RAC2: variants seen among roughly 807,000 people sequenced by gnomAD.
RAC2 encodes the protein Rac family small GTPase 2.
RAC2 carries 1 observed loss-of-function variant against 24.0 expected under a neutral mutation model. The observed-to-expected ratio is 0.04, with a 90% confidence interval of 0.01 to 0.20. The LOEUF (loss-of-function observed/expected upper bound fraction) is 0.20, where lower values mean the gene tolerates loss of function less well. Among genes scored for constraint, RAC2 ranks in the 10% least tolerant of loss-of-function variants. The pLI is 1.00. For synonymous variants in RAC2, 114 were observed against 106.8 expected (o/e 1.07, Z -0.41); for missense variants, 130 against 259.1 (o/e 0.50, Z 3.42).
At chr22:37,229,425 C>A (rs58341088) in intron 5 of RAC2, among the ~76,000 whole-genome samples, 1 of 152,310 alleles carries the variant, frequency 6.6e-6, no homozygotes, top group African/African-American at 2.4e-5. Context: ...TCCCCCCGAG[C>A]CTGTTTCCTC....
At chr22:37,226,530 T>C (rs1926840432) in intron 6 of RAC2, 141 bp downstream of exon 6, 10 of 1,102,076 alleles carry the variant, frequency 9.1e-6, no homozygotes, top group Non-Finnish European at 1.3e-5. Flanking sequence ...AGATGACAAG[T>C]AGGCTGCGGA....
Position 37,231,087 on chromosome 22 carries a change from C to A in RAC2, c.448+144G>T, listed in dbSNP as rs1316844492. On this transcript the variant is annotated intron_variant, in intron 5 of 6. Transcript: ENST00000249071. This position sits in a 1 kb window ranked among gnomAD's most constrained non-coding sequence, Gnocchi z 5.5. Reference sequence around the variant, plus strand: ...AGGCAGAGAGAGGCTACGTGACTCGCCCAAGGTCACACAGCAAGTGCACAG... The same window carrying A: ...AGGCAGAGAGAGGCTACGTGACTCGACCAAGGTCACACAGCAAGTGCACAG... 5.0e-6 allele frequency: 5 copies of A among 1,004,098 alleles called. No individual in the cohort carries two copies. The Admixed American group carries it at 9.8e-5, about 20-fold the overall frequency. The allele number at this position is 1,004,098 out of a possible 1,614,324, so 62.2% of individuals were successfully genotyped here. A position where few individuals can be genotyped will look rare whatever the true frequency, so the allele number is the denominator to read the frequency against.
chr22:37,231,503 CAGA>C lies in RAC2; in HGVS notation c.289-116_289-114del, dbSNP rs754268600. On this transcript the variant is annotated intron_variant, in intron 4 of 6. Transcript: ENST00000249071. This position sits in a 1 kb window ranked among gnomAD's most constrained non-coding sequence, Gnocchi z 5.5. Reference sequence around the variant, plus strand: ...AGGGAGAGGAGAGGCAGCAAGTTGCCAGAAGATCAGAGGTGGGCACGACGGTGA... The same window carrying C: ...AGGGAGAGGAGAGGCAGCAAGTTGCCAGATCAGAGGTGGGCACGACGGTGA... The C allele has an allele frequency of 4.9e-6, 5 of 1,021,008 alleles. No homozygotes were observed. Among genetic ancestry groups the C allele is most frequent in the Non-Finnish European group, 7.4e-6 (5 of 676,528 alleles). 63.2% of individuals were successfully genotyped at this position (1,021,008 alleles called of 1,614,324 possible).
intron 2 of RAC2, among the ~76,000 whole-genome samples, chr22:37,238,567 G>A (rs1489976216): frequency 6.6e-6 from 1 of 152,174 alleles, no homozygotes; most frequent in East Asian, 1.9e-4. Context: ...AGCTCACCAG[G>A]GCTTCCGTCG....
chr22:37,242,462 C>A (rs1019290484), intron 1 of RAC2, among the ~76,000 whole-genome samples: 4 of 152,190 alleles, frequency 2.6e-5, no homozygotes, highest in African/African-American at 9.7e-5. Context: ...GCCTCCTCCA[C>A]CCTCAGCATG....
At chr22:37,232,419 A>C in intron 3 of RAC2, 2 of 418,072 alleles carry the variant, frequency 4.8e-6, no homozygotes, top group Non-Finnish European at 4.5e-6. Context: ...CCCTGGAGGA[A>C]GGGCGAGGAC....
chr22:37,240,482 G>A (rs1052198145), intron 2 of RAC2, among the ~76,000 whole-genome samples: 3 of 152,238 alleles, frequency 2.0e-5, no homozygotes, highest in African/African-American at 7.2e-5. Flanking sequence ...ATCTTGCGCA[G>A]GGGCCAGCAT....
intron 2 of RAC2, chr22:37,241,038 G>A (rs1242466431): frequency 1.4e-6 from 1 of 718,946 alleles, no homozygotes; most frequent in Middle Eastern, 2.3e-4. Context: ...ACCCCTGAGG[G>A]CTGGCCAGGG....
Position 37,231,444 on chromosome 22 carries a change from G to A in RAC2, c.289-54C>T. 6.4e-7 allele frequency: 1 copy of A among 1,552,152 alleles called. No individual in the cohort carries two copies. ...TTGTATGGGTCAAGAGGGGGCGCGA[G>A]GCTGTGCGGGGATCAGAGGGAGTGT... On this transcript the variant is annotated intron_variant, in intron 4 of 6. Transcript: ENST00000249071. This position sits in a 1 kb window ranked among gnomAD's most constrained non-coding sequence, Gnocchi z 5.5.
chr22:37,226,850 G>T (rs115077809), intron 5 of RAC2, 47 bp from the exon 6 acceptor site: 79 of 1,600,070 alleles, frequency 4.9e-5, no homozygotes, highest in Admixed American at 3.3e-4. Flanking sequence ...GTGGCGGGGG[G>T]GGTTCTGGGC....
At position 37,243,622 on chromosome 22, in the gene RAC2, A is replaced by G. The variant is rs117094326; in HGVS notation, c.35+492T>C. ...CTCAGCTTATCTCAAGCGACCCCAC[A>G]GCATCCCCAGGGCATAGGCCTCCTC... is the stretch of plus-strand genomic sequence containing the variant. On this transcript the variant is annotated intron_variant, in intron 1 of 6. Coordinates refer to ENST00000249071, the MANE Select transcript of RAC2 (RefSeq NM_002872.5). 6.3e-4 allele frequency among the ~76,000 whole-genome samples: 96 copies of G among 152,324 alleles called. 1 individual carries two copies. The East Asian group carries it at 0.017, about 26-fold the overall frequency.
rs1018658604 is a variant in RAC2, at chr22:37,232,849, A to C, written c.177T>G (p.Ala59=). 1 of 1,614,134 alleles carries C rather than the reference A, an allele frequency of 6.2e-7. No individual in the cohort carries two copies. The highest frequency in any genetic ancestry group is 1.7e-5 in the Admixed American group (1 of 60,012). ...GGAGACGGTCGTAGTCCTCCTGCCC[A>C]GCAGTGTCCCACAGCCCCAGGTTCA... ...KPVNLGLWDT[A]GQEDYDRLRP... Residue 59 remains alanine (A), a synonymous_variant, in exon 3 of 7, where the codon GCT becomes GCG. Transcript: ENST00000249071.
intron 2 of RAC2, among the ~76,000 whole-genome samples, chr22:37,233,956 C>T (rs577469268): frequency 3.3e-4 from 51 of 152,354 alleles, no homozygotes; most frequent in African/African-American, 1.2e-3. Flanking sequence ...CTGTTAGTCA[C>T]TGGCCATGGG....
chr22:37,232,057 C>T, intron 3 of RAC2, 63 bp from the exon 4 acceptor site: 5 of 1,518,298 alleles, frequency 3.3e-6, no homozygotes, highest in Non-Finnish European at 4.5e-6. Flanking sequence ...CCATGGCAGC[C>T]ACCGAGAGGT....
intron 2 of RAC2, among the ~76,000 whole-genome samples, chr22:37,237,483 A>G (rs1927265190): frequency 1.3e-5 from 2 of 152,038 alleles, no homozygotes; most frequent in Non-Finnish European, 2.9e-5. Context: ...ACCCACACAC[A>G]CAGCGGCAGG....
intron 3 of RAC2, 70 bp from the exon 4 acceptor site, chr22:37,232,064 A>G (rs1279130577): frequency 3.4e-5 from 51 of 1,493,082 alleles, no homozygotes; most frequent in Non-Finnish European, 4.7e-5. Context: ...AGCCACCGAG[A>G]GGTGGAGCTT....
intron 2 of RAC2, among the ~76,000 whole-genome samples, chr22:37,236,009 C>A (rs1910295393): frequency 6.6e-6 from 1 of 152,144 alleles, no homozygotes; most frequent in African/African-American, 2.4e-5. Flanking sequence ...GAAACTGAGG[C>A]CTGAAGAGGT....
chr22:37,238,867 C>T (rs1244023232), intron 2 of RAC2, among the ~76,000 whole-genome samples: 2 of 152,226 alleles, frequency 1.3e-5, no homozygotes, highest in East Asian at 1.9e-4. Context: ...GTGTCAGTTC[C>T]GAAGGTTCAG....
rs775778136 is a variant in RAC2 at position 37,231,205 on chromosome 22, C to G, written c.448+26G>C. 6 of 1,612,346 alleles carry G rather than the reference C, an allele frequency of 3.7e-6. No individual in the cohort carries two copies. The highest frequency in any genetic ancestry group is 3.3e-5 in the Admixed American group (2 of 60,026). The stretch of plus-strand genomic sequence containing the variant: ...GTCAGGGCCTCCCCTGCAGCCAGAT[C>G]GCCCCTCTGAGCCCGAGGCCCATAC... On this transcript the variant is annotated intron_variant, in intron 5 of 6. Coordinates refer to ENST00000249071, the MANE Select transcript of RAC2 (RefSeq NM_002872.5). This position sits in a 1 kb window ranked among gnomAD's most constrained non-coding sequence, Gnocchi z 5.5.
Sources: allele counts gnomAD v4.1 joint callset (sites outside exome capture counted in the v4.1 genomes callset), GRCh38; gene constraint gnomAD v4.1.1; non-coding constraint Gnocchi (gnomAD v3.1); transcripts MANE v1.5; gene names NCBI Gene and HGNC (gene_info 2026-07-23, HGNC 2026-07-21).